The following TAS2R5 variants were observed in gnomAD, a reference collection of about 807,000 sequenced individuals.
The protein encoded by TAS2R5 is taste receptor type 2 member 5.
A neutral mutation model predicts 14.4 loss-of-function variants in TAS2R5; 11 were observed. That is an observed-to-expected ratio of 0.77 (90% CI 0.48 to 1.27). The LOEUF (loss-of-function observed/expected upper bound fraction) is 1.27. Ranked by LOEUF, TAS2R5 falls within the 50% of genes most tolerant of loss-of-function variation. TAS2R5 has a pLI of 0.00. For synonymous variants in TAS2R5, 120 were observed against 137.1 expected (o/e 0.87, Z 0.87); for missense variants, 339 against 353.9 (o/e 0.96, Z 0.34).
Position 141,790,372 on chromosome 7 carries a change from C to CTGGCCT in TAS2R5, c.12_17dup (p.Gly7_Leu8dup). On this transcript the variant is annotated inframe_insertion, in exon 1 of 1. Coordinates refer to ENST00000247883, the MANE Select transcript of TAS2R5 (RefSeq NM_018980.3). Reference sequence around the variant, plus strand: ...CTCCTCTCCCCAGCCATGCTGAGCGCTGGCCTAGGACTGCTGATGCTGGTG... The same window carrying CTGGCCT: ...CTCCTCTCCCCAGCCATGCTGAGCGCTGGCCTTGGCCTAGGACTGCTGATGCTGGTG... 1 of 1,613,982 alleles carries CTGGCCT rather than the reference C, an allele frequency of 6.2e-7. No homozygotes were observed. Among genetic ancestry groups the CTGGCCT allele is most frequent in the Non-Finnish European group, 8.5e-7 (1 of 1,179,938 alleles).
rs1800442504 is a variant in TAS2R5, at chr7:141,791,077, C to T, written c.716C>T (p.Pro239Leu). The part of the protein sequence containing the change: ...LLHLVYIMAS[P>L]FSITSKTYPP... ...CACCTGGTTTATATCATGGCCAGCC[C>T]CTTCTCCATCACCTCCAAGACTTAT... The change falls in exon 1 of 1, where the codon CCC becomes CTC. Residue 239 changes from proline (P) to leucine (L), a missense_variant. Physicochemically the swap from Pro to Leu is moderately conservative, Grantham distance 98 (BLOSUM62 -3). Coordinates refer to ENST00000247883, the MANE Select transcript of TAS2R5 (RefSeq NM_018980.3). 2 of 1,614,062 alleles carry T rather than the reference C, an allele frequency of 1.2e-6. No homozygotes were observed. Among genetic ancestry groups the T allele is most frequent in the Non-Finnish European group, 8.5e-7 (1 of 1,180,046 alleles).
In TAS2R5 at chr7:141,790,843, C is replaced by A. The variant is rs200486504; in HGVS notation, c.482C>A (p.Pro161His). 2,071 of 1,614,096 alleles carry A rather than the reference C, an allele frequency of 1.3e-3. 40 individuals are homozygous for A. The South Asian group carries it at 0.017, about 13-fold the overall frequency. Residue 161 changes from proline (P) to histidine (H), a missense_variant, in exon 1 of 1, where the codon CCC becomes CAC. Pro to His is a moderately conservative substitution (Grantham distance 77, BLOSUM62 -2). Transcript: ENST00000247883. Reference sequence around the variant, plus strand: ...CAAGGAAACAGCAGCATTCGGTATCCCTTTGAAAGCTGGCAGTACCTGTAT... The same window carrying A: ...CAAGGAAACAGCAGCATTCGGTATCACTTTGAAAGCTGGCAGTACCTGTAT... ...PPQGNSSIRY[P>H]FESWQYLYAF...
rs767381785 is a variant in TAS2R5 at position 141,790,614 on chromosome 7, T to C, written c.253T>C (p.Trp85Arg). ...TTGGCTTCGCTATCTTAGTATCTTC[T>C]GGGTCCTGGTAAGCCAGGCCAGCTT... ...SRWLRYLSIF[W>R]VLVSQASLWF... Residue 85 changes from tryptophan to arginine, a missense_variant, in exon 1 of 1, where the codon TGG (tryptophan) becomes CGG (arginine). Trp to Arg is a moderately radical substitution (Grantham distance 101). Transcript: ENST00000247883. 6.2e-7 allele frequency: 1 copy of C among 1,614,240 alleles called. No individual in the cohort carries two copies. Among genetic ancestry groups the C allele is most frequent in the South Asian group, 1.1e-5 (1 of 91,078 alleles).
chr7:141,790,770 A>G lies in TAS2R5; in HGVS notation c.409A>G (p.Asn137Asp). 1 of 1,614,060 alleles carries G rather than the reference A, an allele frequency of 6.2e-7. No individual in the cohort carries two copies. Among genetic ancestry groups the G allele is most frequent in the African/African-American group, 1.3e-5 (1 of 74,988 alleles). Residue 137 changes from asparagine to aspartate, a missense_variant, in exon 1 of 1, where the codon AAT becomes GAT. Transcript: ENST00000247883. ...GTGCCTTCTGGGCTACTTTATAATC[A>G]ATTTGTTACTTACAGTCCAAATTGG... is the stretch of plus-strand genomic sequence containing the variant. ...LWCLLGYFII[N>D]LLLTVQIGLT...
At position 141,791,266 on chromosome 7, in the gene TAS2R5, G is replaced by C. The variant is rs2234017; in HGVS notation, c.*5G>C. On this transcript the variant is annotated 3_prime_UTR_variant, in exon 1 of 1. Transcript: ENST00000247883. ...CGGAGATGCTGGGGCCCATGATCTGGGAAGAAAAGTGTGGTCAGGACACTC... is the reference window on the plus strand; with the variant it reads ...CGGAGATGCTGGGGCCCATGATCTGCGAAGAAAAGTGTGGTCAGGACACTC... 5.5e-3 allele frequency: 8,804 copies of C among 1,608,692 alleles called. 154 individuals are homozygous for C. In the African/African-American group the frequency reaches 0.056, roughly 10 times the overall value.
rs1365417262 is a variant in TAS2R5, at chr7:141,790,970, G to A, written c.609G>A (p.Lys203=). 2.7e-5 allele frequency: 44 copies of A among 1,614,042 alleles called. No individual in the cohort carries two copies. Among genetic ancestry groups the A allele is most frequent in the Non-Finnish European group, 3.5e-5 (41 of 1,180,044 alleles). ...TGTATACACACCACAAGAAGATGAAGGTCCATTCAGCTGGTAGGAGGGATG... is the reference window on the plus strand; with the variant it reads ...TGTATACACACCACAAGAAGATGAAAGTCCATTCAGCTGGTAGGAGGGATG... ...VSLYTHHKKM[K]VHSAGRRDVR... is the part of the protein sequence containing the mutation. The change falls in exon 1 of 1, where the codon AAG becomes AAA. Residue 203 remains lysine, a synonymous_variant. Coordinates refer to ENST00000247883, the MANE Select transcript of TAS2R5 (RefSeq NM_018980.3).
At position 141,790,267 on chromosome 7, in the gene TAS2R5, C is replaced by T; in HGVS notation, c.-95C>T. Reference sequence around the variant, plus strand: ...AGATTACGGAAGGACGAGGCCAAATCCAGATTTTGTGGTGTGAAAATTTAC... The same window carrying T: ...AGATTACGGAAGGACGAGGCCAAATTCAGATTTTGTGGTGTGAAAATTTAC... On this transcript the variant is annotated 5_prime_UTR_variant, in exon 1 of 1. Transcript: ENST00000247883. 1 of 1,402,984 alleles carries T rather than the reference C, an allele frequency of 7.1e-7. No individual in the cohort carries two copies. The allele number at this position is 1,402,984 out of a possible 1,614,324, so 86.9% of individuals were successfully genotyped here. A position where few individuals can be genotyped will look rare whatever the true frequency, so the allele number is the denominator to read the frequency against.
Position 141,791,352 on chromosome 7 carries a change from TC to T in TAS2R5, c.*93del, listed in dbSNP as rs747264146. Reference sequence around the variant, plus strand: ...CTGCTTTCCATGTCTTTTAAGATTTTCCTTCTTTTACACCAATGTAATGAAT... The same window carrying T: ...CTGCTTTCCATGTCTTTTAAGATTTTCTTCTTTTACACCAATGTAATGAAT... On this transcript the variant is annotated 3_prime_UTR_variant, in exon 1 of 1. Transcript: ENST00000247883. 9.0e-5 allele frequency: 121 copies of T among 1,347,658 alleles called. No individual in the cohort carries two copies. The highest frequency in any genetic ancestry group is 1.2e-4 in the Non-Finnish European group (118 of 991,174). 83.5% of individuals were successfully genotyped at this position (1,347,658 alleles called of 1,614,324 possible).
Position 141,790,726 on chromosome 7 carries a change from C to A in TAS2R5, c.365C>A (p.Ala122Asp). The change falls in exon 1 of 1, where the codon GCC (alanine) becomes GAC (aspartate). Residue 122 changes from alanine (A) to aspartate (D), a missense_variant. Physicochemically the swap from Ala to Asp is moderately radical, Grantham distance 126 (BLOSUM62 -2). Transcript: ENST00000247883. ...GCCTACTTGTGGCTGAAGCAGAGGG[C>A]CTATAACCTGAGTCTCTGGTGCCTT... is the stretch of plus-strand genomic sequence containing the variant. ...RPAYLWLKQR[A>D]YNLSLWCLLG... 1 of 1,614,194 alleles carries A rather than the reference C, an allele frequency of 6.2e-7. No individual in the cohort carries two copies. Among genetic ancestry groups the A allele is most frequent in the Non-Finnish European group, 8.5e-7 (1 of 1,180,046 alleles).
At position 141,791,047 on chromosome 7, in the gene TAS2R5, T is replaced by C; in HGVS notation, c.686T>C (p.Leu229Ser). 1 of 1,614,202 alleles carries C rather than the reference T, an allele frequency of 6.2e-7. No individual in the cohort carries two copies. The highest frequency in any genetic ancestry group is 8.5e-7 in the Non-Finnish European group (1 of 1,180,038). The change falls in exon 1 of 1, where the codon TTA becomes TCA. Residue 229 changes from leucine (L) to serine (S), a missense_variant. Transcript: ENST00000247883. ...CTGAAGTCCTTGGGCTGCTTCCTCT[T>C]ACTTCACCTGGTTTATATCATGGCC... ...TALKSLGCFL[L>S]LHLVYIMASP...
the TAS2R5 span, chr7:141,791,230 CAG>C: frequency 6.2e-7 from 1 of 1,613,806 alleles, no homozygotes; most frequent in Non-Finnish European, 8.5e-7. Context: ...CTGTGGAAGA[CAG>C]TGTGTGCTCG....
chr7:141,791,171 C>T lies in TAS2R5; in HGVS notation c.810C>T (p.Leu270=), dbSNP rs780095326. The T allele has an allele frequency of 6.2e-7, 1 of 1,614,202 alleles. No homozygotes were observed. The highest frequency in any genetic ancestry group is 8.5e-7 in the Non-Finnish European group (1 of 1,180,032). The change falls in exon 1 of 1, where the codon CTC becomes CTT. Residue 270 remains leucine (L), a synonymous_variant. Coordinates refer to ENST00000247883, the MANE Select transcript of TAS2R5 (RefSeq NM_018980.3). ...LMAAYPSLHS[L]ILIMGIPRVK... Reference sequence around the variant, plus strand: ...CAGCCTATCCTTCTCTTCATTCTCTCATATTGATCATGGGGATTCCTAGGG... The same window carrying T: ...CAGCCTATCCTTCTCTTCATTCTCTTATATTGATCATGGGGATTCCTAGGG...
At position 141,791,209 on chromosome 7, in the gene TAS2R5, G is replaced by A; in HGVS notation, c.848G>A (p.Cys283Tyr). Residue 283 changes from cysteine to tyrosine, a missense_variant, in exon 1 of 1, where the codon TGT becomes TAT. Transcript: ENST00000247883. ...IMGIPRVKQT[C>Y]QKILWKTVCA... ...GGGATTCCTAGGGTGAAGCAGACTT[G>A]TCAGAAGATCCTGTGGAAGACAGTG... 6.2e-7 allele frequency: 1 copy of A among 1,614,028 alleles called. No homozygotes were observed. The highest frequency in any genetic ancestry group is 8.5e-7 in the Non-Finnish European group (1 of 1,179,950).
rs753562198 is a variant in TAS2R5 at position 141,790,558 on chromosome 7, T to C, written c.197T>C (p.Leu66Ser). 3.7e-6 allele frequency: 6 copies of C among 1,614,102 alleles called. No individual in the cohort carries two copies. In the African/African-American group the frequency reaches 6.7e-5, roughly 18 times the overall value. ...CTGCAGTGGCTGATCATTTTGGACT[T>C]AAGCTTGTTTCCACTTTTCCAGAGC... ...FLLQWLIILDLSLFPLFQSSR... is the reference protein window; with the variant it reads ...FLLQWLIILDSSLFPLFQSSR... Residue 66 changes from leucine (L) to serine (S), a missense_variant, in exon 1 of 1, where the codon TTA (leucine) becomes TCA (serine). Physicochemically the swap from Leu to Ser is moderately radical, Grantham distance 145. Transcript: ENST00000247883.
rs1800438177 is a variant in TAS2R5, at chr7:141,790,833, A to G, written c.472A>G (p.Ile158Val). The G allele has an allele frequency of 6.2e-7, 1 of 1,614,072 alleles. No individual in the cohort carries two copies. The change falls in exon 1 of 1, where the codon ATT becomes GTT. Residue 158 changes from isoleucine to valine, a missense_variant. By Grantham distance (29) the Ile-to-Val change is conservative. Transcript: ENST00000247883. ...TCATCCTCCCCAAGGAAACAGCAGC[A>G]TTCGGTATCCCTTTGAAAGCTGGCA... is the stretch of plus-strand genomic sequence containing the variant. ...FYHPPQGNSS[I>V]RYPFESWQYL...
chr7:141,791,330 C>A lies in TAS2R5; in HGVS notation c.*69C>A. 7.1e-7 allele frequency: 1 copy of A among 1,416,788 alleles called. No homozygotes were observed. The highest frequency in any genetic ancestry group is 9.5e-7 in the Non-Finnish European group (1 of 1,048,430). 87.8% of individuals were successfully genotyped at this position (1,416,788 alleles called of 1,614,324 possible). A position where few individuals can be genotyped will look rare whatever the true frequency, so the allele number is the denominator to read the frequency against. On this transcript the variant is annotated 3_prime_UTR_variant, in exon 1 of 1. Coordinates refer to ENST00000247883, the MANE Select transcript of TAS2R5 (RefSeq NM_018980.3). ...TTGATAGCTCTCTATAAGGGAGCTGCTTTCCATGTCTTTTAAGATTTTCCT... is the reference window on the plus strand; with the variant it reads ...TTGATAGCTCTCTATAAGGGAGCTGATTTCCATGTCTTTTAAGATTTTCCT...
In TAS2R5 at chr7:141,790,947, T is replaced by C; in HGVS notation, c.586T>C (p.Tyr196His). The C allele has an allele frequency of 5.0e-6, 8 of 1,614,196 alleles. No homozygotes were observed. The highest frequency in any genetic ancestry group is 6.8e-6 in the Non-Finnish European group (8 of 1,180,034). Residue 196 changes from tyrosine (Y) to histidine (H), a missense_variant, in exon 1 of 1, where the codon TAT becomes CAT. Coordinates refer to ENST00000247883, the MANE Select transcript of TAS2R5 (RefSeq NM_018980.3). Reference sequence around the variant, plus strand: ...CTCTGGGATGCTGATTGTCTCTTTGTATACACACCACAAGAAGATGAAGGT... The same window carrying C: ...CTCTGGGATGCTGATTGTCTCTTTGCATACACACCACAAGAAGATGAAGGT... ...VSSGMLIVSL[Y>H]THHKKMKVHS...
At position 141,790,311 on chromosome 7, in the gene TAS2R5, C is replaced by G; in HGVS notation, c.-51C>G. The G allele has an allele frequency of 3.2e-6, 5 of 1,579,366 alleles. No individual in the cohort carries two copies. Among genetic ancestry groups the G allele is most frequent in the Non-Finnish European group, 4.3e-6 (5 of 1,164,738 alleles). On this transcript the variant is annotated 5_prime_UTR_variant, in exon 1 of 1. Transcript: ENST00000247883. Reference sequence around the variant, plus strand: ...AATTTACCCTGGTGTGTTATCACTACCAGGGGATCTGACCTCAGCCAGGAG... The same window carrying G: ...AATTTACCCTGGTGTGTTATCACTAGCAGGGGATCTGACCTCAGCCAGGAG...
At position 141,790,877 on chromosome 7, in the gene TAS2R5, G is replaced by C; in HGVS notation, c.516G>C (p.Gln172His). The C allele has an allele frequency of 6.2e-7, 1 of 1,614,142 alleles. No homozygotes were observed. The highest frequency in any genetic ancestry group is 8.5e-7 in the Non-Finnish European group (1 of 1,180,026). ...GCTGGCAGTACCTGTATGCATTTCA[G>C]CTCAATTCAGGAAGTTATTTGCCTT... Reference protein sequence around the residue: ...FESWQYLYAFQLNSGSYLPLV... With the variant: ...FESWQYLYAFHLNSGSYLPLV... Residue 172 changes from glutamine to histidine, a missense_variant, in exon 1 of 1, where the codon CAG becomes CAC. By Grantham distance (24) the Gln-to-His change is conservative. Transcript: ENST00000247883.
Sources: allele counts gnomAD v4.1 joint callset, GRCh38; gene constraint gnomAD v4.1.1; transcripts MANE v1.5; gene names NCBI Gene and HGNC (gene_info 2026-07-23, HGNC 2026-07-21).